Variants in MACF1 observed in about 807,000 individuals in gnomAD.
MACF1 encodes microtubule-actin cross-linking factor 1.
In MACF1, 193 loss-of-function variants were observed where a neutral mutation model predicts 854.8. The ratio of observed to expected loss-of-function variants is 0.23; its 90% CI spans 0.20 to 0.25. MACF1 has a LOEUF of 0.25. Among genes scored for constraint, MACF1 ranks in the 10% least tolerant of loss-of-function variants. The probability of loss-of-function intolerance (pLI) is 1.00; values close to 1 mark genes in which losing one functional copy is unlikely to be tolerated. For synonymous variants in MACF1, 3,185 were observed against 3,226.7 expected (o/e 0.99, Z 0.44); for missense variants, 7,722 against 8,929.1 (o/e 0.86, Z 5.45).
At chr1:39,379,157 A>G (rs990457486) in intron 53 of MACF1, 46 bp from the exon 54 acceptor site, 2 of 1,523,184 alleles carry the variant, frequency 1.3e-6, no homozygotes, top group Non-Finnish European at 1.8e-6. Flanking sequence ...CAAGGAGCAT[A>G]CTCGAAGAGC....
Position 39,084,813 on chromosome 1 carries a change from A to G in MACF1, c.220+375A>G, listed in dbSNP as rs1055204989. ...ATATTGCACTTTAGACTTTATGGTT[A>G]CCATTTCTAAAAGCTGTCTATTTCA... On this transcript the variant is annotated intron_variant, in intron 2 of 93. Coordinates refer to the MACF1 transcript ENST00000361689. The surrounding 1 kb of genome is among the most constrained non-coding windows in gnomAD (Gnocchi z 5.2). Among the ~76,000 whole-genome samples the G allele has an allele frequency of 3.3e-5, 5 of 152,154 alleles. No homozygotes were observed. The highest frequency in any genetic ancestry group is 1.2e-4 in the African/African-American group (5 of 41,438).
In MACF1 at chr1:39,179,998, G is replaced by A. The variant is rs868096618; in HGVS notation, c.221-51184G>A. ...CCACTGCACTTCTGCTTGGGTGACA[G>A]AGCAAGACTCTGTTTCAAAAATGAA... On this transcript the variant is annotated intron_variant, in intron 2 of 93. Coordinates refer to the MACF1 transcript ENST00000361689. Among the ~76,000 whole-genome samples the A allele has an allele frequency of 2.0e-5, 3 of 151,900 alleles. No homozygotes were observed. The South Asian group carries it at 6.2e-4, about 32-fold the overall frequency.
At chr1:39,191,200 T>C (rs1644251660) in intron 2 of MACF1, among the ~76,000 whole-genome samples, 1 of 1,280 alleles carries the variant, frequency 7.8e-4, no homozygotes, top group African/African-American at 9.4e-4. Flanking sequence ...TCTTTCTTTC[T>C]TTTTTTTTTT....
chr1:39,413,159 CAGA>C (rs1553373336), intron 58 of MACF1: 1 of 1,613,270 alleles, frequency 6.2e-7, no homozygotes. Flanking sequence ...GTACCCATCA[CAGA>C]GGAGGATGGT....
intron 40 of MACF1, among the ~76,000 whole-genome samples, chr1:39,343,568 G>C (rs577090678): frequency 6.6e-6 from 1 of 152,352 alleles, no homozygotes; most frequent in African/African-American, 2.4e-5. Flanking sequence ...ATGCATTGGT[G>C]CCCTCCCCTA....
chr1:39,292,918 A>C (rs770693394), intron 17 of MACF1, 75 bp downstream of exon 17: 32 of 1,251,504 alleles, frequency 2.6e-5, no homozygotes, highest in Non-Finnish European at 3.4e-5. Flanking sequence ...TCCGTAATTC[A>C]GAAATCTCCT....
intron 1 of MACF1, among the ~76,000 whole-genome samples, chr1:39,223,911 T>C (rs1323915647): frequency 6.6e-6 from 1 of 152,072 alleles, no homozygotes; most frequent in Non-Finnish European, 1.5e-5. Context: ...GCTGACACCA[T>C]TGAGAAGGAT....
chr1:39,464,897 G>T, intron 94 of MACF1, 198 bp from the exon 95 acceptor site: 1 of 529,724 alleles, frequency 1.9e-6, no homozygotes, highest in Non-Finnish European at 3.3e-6. Context: ...CTGGGCAACA[G>T]AGCGAGACTC....
In MACF1 at chr1:39,413,176, C is replaced by G. The variant is rs757355981; in HGVS notation, c.15817-9198C>G. The G allele has an allele frequency of 2.5e-6, 4 of 1,613,448 alleles. No individual in the cohort carries two copies. The South Asian group carries it at 4.4e-5, about 18-fold the overall frequency. On this transcript the variant is annotated intron_variant, in intron 58 of 100. Transcript: ENST00000564288. ...ACCCATCACAGAGGAGGATGGTACA[C>G]CAGAAGGGCCTGTCACCCCAGCTAC...
At chr1:39,115,325 AT>A (rs1053342014) in intron 2 of MACF1, among the ~76,000 whole-genome samples, 5 of 152,138 alleles carry the variant, frequency 3.3e-5, no homozygotes, top group African/African-American at 1.2e-4. Context: ...AAGCAGGCAA[AT>A]CAAGAAATGT....
chr1:39,149,938 A>G (rs1242052200), intron 2 of MACF1, among the ~76,000 whole-genome samples: 1 of 151,684 alleles, frequency 6.6e-6, no homozygotes, highest in African/African-American at 2.4e-5. Flanking sequence ...TTTCCATATC[A>G]TTTGTATTAT....
At chr1:39,248,602 C>CAA (rs71804241) in intron 2 of MACF1, among the ~76,000 whole-genome samples, 99,999 of 152,080 alleles carry the variant, frequency 0.66, 33,558 homozygotes, top group South Asian at 0.79. Flanking sequence ...AGCCTCTACT[C>CAA]AAAATTATAG....
intron 6 of MACF1, among the ~76,000 whole-genome samples, chr1:39,279,426 T>C (rs1645500978): frequency 6.6e-6 from 1 of 152,048 alleles, no homozygotes; most frequent in Admixed American, 6.6e-5. Context: ...TAAAATATCA[T>C]CTGATATTTA....
chr1:39,481,065 AAGACGAG>A, intron 99 of MACF1, 35 bp downstream of exon 99: 2 of 1,348,850 alleles, frequency 1.5e-6, no homozygotes, highest in Non-Finnish European at 2.1e-6. Flanking sequence ...GGACACAGTC[AAGACGAG>A]GCCCTCGCTA....
At chr1:39,330,287 T>C (rs1192541501) in intron 36 of MACF1, among the ~76,000 whole-genome samples, 1 of 152,174 alleles carries the variant, frequency 6.6e-6, no homozygotes, top group Non-Finnish European at 1.5e-5. Flanking sequence ...GCTAGCATTG[T>C]CCAAGAATAT....
chr1:39,102,223 GAAAGA>G (rs1377602920), intron 2 of MACF1, among the ~76,000 whole-genome samples: 1 of 151,952 alleles, frequency 6.6e-6, no homozygotes, highest in East Asian at 1.9e-4. Context: ...AAGAGAGAGA[GAAAGA>G]AAAGAAAAGA....
Position 39,335,885 on chromosome 1 carries a change from T to A in MACF1, c.9297T>A (p.Ser3099Arg). The change falls in exon 37 of 101, where the codon AGT becomes AGA. Residue 3099 changes from serine to arginine, a missense_variant. This residue lies in a region of MACF1 where 854 missense variants were observed against 852.6 expected (regional missense o/e 1.00). Transcript: ENST00000564288. ...LSREIACGAQSEPFPCMTPRP... is the reference protein window; with the variant it reads ...LSREIACGAQREPFPCMTPRP... ...GAGAAATTGCCTGTGGGGCCCAGAG[T>A]GAACCATTCCCTTGTATGACCCCAA... 1 of 1,613,796 alleles carries A rather than the reference T, an allele frequency of 6.2e-7. No homozygotes were observed. Among genetic ancestry groups the A allele is most frequent in the Non-Finnish European group, 8.5e-7 (1 of 1,179,928 alleles).
At chr1:39,400,495 A>AT (rs1252231600) in intron 58 of MACF1, among the ~76,000 whole-genome samples, 1 of 143,956 alleles carries the variant, frequency 6.9e-6, no homozygotes. Context: ...TTTTTTTTTC[A>AT]TTTTTTGTTT....
At chr1:39,370,813 A>G (rs1001019644) in intron 51 of MACF1, among the ~76,000 whole-genome samples, 6 of 152,282 alleles carry the variant, frequency 3.9e-5, no homozygotes, top group African/African-American at 4.8e-5. Flanking sequence ...CACAGTGCCC[A>G]TGGTGTTTTA....
Sources: allele counts gnomAD v4.1 joint callset (sites outside exome capture counted in the v4.1 genomes callset), GRCh38; gene constraint gnomAD v4.1.1; regional missense constraint gnomAD v4.1.1; non-coding constraint Gnocchi (gnomAD v3.1); transcripts MANE v1.5; gene names NCBI Gene and HGNC (gene_info 2026-07-23, HGNC 2026-07-21).